The following BICC1 variants were observed in gnomAD, a reference collection of about 807,000 sequenced individuals.
The protein encoded by BICC1 is protein bicaudal C homolog 1.
Under a neutral mutation model 111.0 loss-of-function variants are expected in BICC1, and 43 were observed. The observed-to-expected ratio is 0.39, with a 90% confidence interval of 0.30 to 0.50. The LOEUF is 0.50. Among genes scored for constraint, BICC1 ranks in the 20% least tolerant of loss-of-function variants. The pLI is 0.88. For missense variants in BICC1, 1,091 were observed against 1,203.2 expected (o/e 0.91, Z 1.38); for synonymous variants, 467 against 434.4 (o/e 1.07, Z -0.93).
rs4948550 is a variant in BICC1 at position 58,828,793 on chromosome 10, T to C, written c.2827T>C (p.Ser943Pro). 0.71 allele frequency: 1,150,100 copies of C among 1,613,224 alleles called. 414,483 individuals are homozygous for C. Among genetic ancestry groups the C allele is most frequent in the Admixed American group, 0.76 (45,819 of 59,968 alleles). ...TAAAAACCGAAGAAAGCTTTTTGAA[T>C]CGCCAAATGCACGCACCTCTTTCCT... ...LNKNRRKLFESPNARTSFLEG... is the reference protein window; with the variant it reads ...LNKNRRKLFEPPNARTSFLEG... The change falls in exon 21 of 21, where the codon TCG (serine) becomes CCG (proline). Residue 943 changes from serine (S) to proline (P), a missense_variant. Transcript: ENST00000373886.
chr10:58,520,941 G>A (rs1842371482), intron 1 of BICC1, among the ~76,000 whole-genome samples: 2 of 151,998 alleles, frequency 1.3e-5, no homozygotes, highest in South Asian at 4.2e-4. Context: ...TGAGCTTTGG[G>A]GATGCAGATG....
chr10:58,676,242 C>T (rs1388186826), intron 2 of BICC1, among the ~76,000 whole-genome samples: 1 of 152,090 alleles, frequency 6.6e-6, no homozygotes, highest in East Asian at 1.9e-4. Context: ...TTTTTTCATA[C>T]CCTAGTGGCA....
At chr10:58,611,764 G>C (rs1316543204) in intron 1 of BICC1, among the ~76,000 whole-genome samples, 2 of 151,884 alleles carry the variant, frequency 1.3e-5, no homozygotes, top group Admixed American at 6.6e-5. Context: ...TGCTGGGATT[G>C]CAGGTGTGAG....
chr10:58,763,311 A>G (rs1842369548), intron 3 of BICC1, among the ~76,000 whole-genome samples: 1 of 152,206 alleles, frequency 6.6e-6, no homozygotes, highest in Non-Finnish European at 1.5e-5. Context: ...ACTGTAGCTG[A>G]TAGCATGGGT....
At chr10:58,824,747 T>C (rs1489625056) in intron 20 of BICC1, among the ~76,000 whole-genome samples, 1 of 152,186 alleles carries the variant, frequency 6.6e-6, no homozygotes, top group Non-Finnish European at 1.5e-5. Flanking sequence ...AGAGACAACT[T>C]TAAGCAAATC....
Position 58,702,079 on chromosome 10 carries a change from G to T in BICC1, c.243G>T (p.Met81Ile). 6.2e-7 allele frequency: 1 copy of T among 1,611,784 alleles called. No homozygotes were observed. The highest frequency in any genetic ancestry group is 8.5e-7 in the Non-Finnish European group (1 of 1,178,586). The change falls in exon 3 of 21, where the codon ATG (methionine) becomes ATT (isoleucine). Residue 81 changes from methionine to isoleucine, a missense_variant. Met to Ile is a conservative substitution (Grantham distance 10). Transcript: ENST00000373886. ...TCTCTCAATTTTTGTTACAGATCATGGAGGAAACAAATACGCAGATTGCTT... is the reference window on the plus strand; with the variant it reads ...TCTCTCAATTTTTGTTACAGATCATTGAGGAAACAAATACGCAGATTGCTT... ...RSGEDFFQKI[M>I]EETNTQIAWP...
At chr10:58,806,822 T>A (rs1166521696) in intron 16 of BICC1, among the ~76,000 whole-genome samples, 182 bp from the exon 17 acceptor site, 1 of 152,232 alleles carries the variant, frequency 6.6e-6, no homozygotes, top group Admixed American at 6.5e-5. Flanking sequence ...CATTTAGCAT[T>A]TTTTCATTTA....
In BICC1 at chr10:58,621,270, G is replaced by T. The variant is rs114226468; in HGVS notation, c.237+369G>T. Among the ~76,000 whole-genome samples, 1,309 of 152,250 alleles carry T rather than the reference G, an allele frequency of 8.6e-3. 17 individuals carry two copies. Among genetic ancestry groups the T allele is most frequent in the African/African-American group, 0.03 (1,245 of 41,532 alleles). On this transcript the variant is annotated intron_variant, in intron 2 of 20. Coordinates refer to ENST00000373886, the MANE Select transcript of BICC1 (RefSeq NM_001080512.3). ...ATCCTATATGGTGAATATGGTGGGG[G>T]AGCTTTTCTAAAGATATTTAAATTA...
intron 3 of BICC1, among the ~76,000 whole-genome samples, chr10:58,742,354 A>G (rs1388182747): frequency 6.6e-6 from 1 of 151,628 alleles, no homozygotes; most frequent in South Asian, 2.1e-4. Flanking sequence ...ACAACTGTCC[A>G]TGTGAATGAA....
chr10:58,807,241 A>C (rs1843737717), intron 17 of BICC1, 83 bp downstream of exon 17: 1 of 1,353,702 alleles, frequency 7.4e-7, no homozygotes, highest in Non-Finnish European at 1.0e-6. Flanking sequence ...CTCATTCTTT[A>C]TGTACCTAAG....
intron 1 of BICC1, among the ~76,000 whole-genome samples, chr10:58,580,335 A>G (rs964741408): frequency 6.6e-6 from 1 of 152,040 alleles, no homozygotes; most frequent in African/African-American, 2.4e-5. Context: ...CTCTTAGCAA[A>G]TTTTAAGTAC....
rs567339756 is a variant in BICC1 at position 58,773,640 on chromosome 10, T to C, written c.308-11361T>C. Among the ~76,000 whole-genome samples the C allele has an allele frequency of 3.2e-3, 482 of 152,354 alleles. 3 individuals carry two copies. The highest frequency in any genetic ancestry group is 5.1e-3 in the Non-Finnish European group (344 of 68,030). On this transcript the variant is annotated intron_variant, in intron 3 of 20. Transcript: ENST00000373886. ...GCCATGCAGCCACTGCCAGGGGTGC[T>C]GGTCCAGCTTGCTGGGCACGAAGCA...
Position 58,568,809 on chromosome 10 carries a change from C to T in BICC1, c.191-52046C>T, listed in dbSNP as rs141404759. ...TTATTGGAAGAAAGAAGGCAAGAAT[C>T]ACATCTGAACACCTTTTGTAAGAAC... On this transcript the variant is annotated intron_variant, in intron 1 of 20. Transcript: ENST00000373886. 3.2e-3 allele frequency among the ~76,000 whole-genome samples: 483 copies of T among 152,322 alleles called. 5 individuals are homozygous for T. Among genetic ancestry groups the T allele is most frequent in the African/African-American group, 0.011 (458 of 41,564 alleles).
chr10:58,580,675 A>T (rs1844256477), intron 1 of BICC1, among the ~76,000 whole-genome samples: 1 of 152,170 alleles, frequency 6.6e-6, no homozygotes, highest in South Asian at 2.1e-4. Flanking sequence ...ATGCTTGTTG[A>T]TTAATAACTT....
intron 1 of BICC1, among the ~76,000 whole-genome samples, chr10:58,592,279 C>T (rs1035713374): frequency 1.3e-5 from 2 of 152,150 alleles, no homozygotes; most frequent in African/African-American, 4.8e-5. Context: ...TGTCATTGCC[C>T]ATTTTTTCTT....
chr10:58,726,378 A>G (rs1223774249), intron 3 of BICC1, among the ~76,000 whole-genome samples: 1 of 152,216 alleles, frequency 6.6e-6, no homozygotes, highest in Non-Finnish European at 1.5e-5. Context: ...TGAGCATCGC[A>G]TCTCAAAGTC....
At chr10:58,790,696 G>A (rs1158752566) in intron 8 of BICC1, among the ~76,000 whole-genome samples, 5 of 152,096 alleles carry the variant, frequency 3.3e-5, no homozygotes, top group Non-Finnish European at 7.3e-5. Context: ...GCGGTGGCAG[G>A]TGCCTGTAAT....
chr10:58,601,134 T>G (rs1845010477), intron 1 of BICC1, among the ~76,000 whole-genome samples: 1 of 40,658 alleles, frequency 2.5e-5, no homozygotes, highest in Admixed American at 4.1e-4. Context: ...GCAGTCATTT[T>G]AAAACTTATA....
chr10:58,671,268 GA>G (rs1261143201), intron 2 of BICC1, among the ~76,000 whole-genome samples: 2 of 152,146 alleles, frequency 1.3e-5, no homozygotes, highest in African/African-American at 4.8e-5. Context: ...TATTTGTTAT[GA>G]AAAAACTCTG....
Sources: gnomAD v4.1 joint callset for allele counts (sites outside exome capture counted in the v4.1 genomes callset) on GRCh38, gnomAD v4.1.1 for gene constraint, MANE v1.5 for transcripts, NCBI Gene and HGNC (gene_info 2026-07-23, HGNC 2026-07-21) for gene names.